CDH18: variants seen among roughly 807,000 people sequenced by gnomAD.
The protein encoded by CDH18 is cadherin-18.
A neutral mutation model predicts 67.9 loss-of-function variants in CDH18; 31 were observed. That is an observed-to-expected ratio of 0.46 (90% CI 0.34 to 0.62). CDH18 has a LOEUF of 0.62. Among genes scored for constraint, CDH18 ranks in the 20% least tolerant of loss-of-function variants. The probability of loss-of-function intolerance (pLI) is 0.01; values close to 1 mark genes in which losing one functional copy is unlikely to be tolerated. For missense variants in CDH18, 890 were observed against 975.5 expected (o/e 0.91, Z 1.17); for synonymous variants, 362 against 347.2 (o/e 1.04, Z -0.48).
At chr5:20,521,717 T>G (rs1755754283) in intron 1 of CDH18, among the ~76,000 whole-genome samples, 1 of 152,052 alleles carries the variant, frequency 6.6e-6, no homozygotes, top group Admixed American at 6.6e-5. Context: ...GAAGAAAAAC[T>G]GACTCAGAAG....
At chr5:20,569,711 C>G (rs1339234358) in intron 1 of CDH18, among the ~76,000 whole-genome samples, 1 of 152,134 alleles carries the variant, frequency 6.6e-6, no homozygotes, top group Non-Finnish European at 1.5e-5. Context: ...TACATATACA[C>G]AAAAGACTGA....
chr5:20,403,654 C>T (rs28778952), intron 1 of CDH18, among the ~76,000 whole-genome samples: 7,224 of 152,158 alleles, frequency 0.047, 461 homozygotes, highest in African/African-American at 0.15. Context: ...TTAAACCATG[C>T]TGTAAAAAAT....
chr5:20,240,372 GT>G (rs1356244662), intron 2 of CDH18, among the ~76,000 whole-genome samples: 4 of 151,992 alleles, frequency 2.6e-5, no homozygotes, highest in East Asian at 3.9e-4. Flanking sequence ...ATATATGATA[GT>G]TTTTTATAGG....
intron 4 of CDH18, among the ~76,000 whole-genome samples, chr5:19,726,970 C>A (rs1055572691): frequency 6.6e-6 from 1 of 152,140 alleles, no homozygotes; most frequent in Non-Finnish European, 1.5e-5. Flanking sequence ...AGATGGCCTT[C>A]TGTGAACCAG....
chr5:19,495,035 T>C (rs1233782093), intron 11 of CDH18, among the ~76,000 whole-genome samples: 4 of 152,148 alleles, frequency 2.6e-5, no homozygotes, highest in Admixed American at 2.6e-4. Flanking sequence ...CATAATTCTT[T>C]GGGAAGAATT....
intron 1 of CDH18, among the ~76,000 whole-genome samples, chr5:20,268,137 T>A (rs570264789): frequency 6.6e-6 from 1 of 152,356 alleles, no homozygotes; most frequent in Non-Finnish European, 1.5e-5. Flanking sequence ...TTTCACTTTT[T>A]TATGCCTGCA....
chr5:19,520,535 A>G, intron 10 of CDH18, 122 bp downstream of exon 10: 3 of 803,478 alleles, frequency 3.7e-6, no homozygotes, highest in Non-Finnish European at 5.3e-6. Flanking sequence ...GCTTTATGAA[A>G]TTATTTCCAC....
chr5:20,162,501 C>CAT (rs35649445), intron 2 of CDH18, among the ~76,000 whole-genome samples: 6,917 of 143,578 alleles, frequency 0.048, 444 homozygotes, highest in African/African-American at 0.15. Context: ...ATATAATAGA[C>CAT]ATATATATAT....
chr5:19,495,295 C>T (rs565018944), intron 11 of CDH18, among the ~76,000 whole-genome samples: 1 of 152,312 alleles, frequency 6.6e-6, no homozygotes, highest in South Asian at 2.1e-4. Flanking sequence ...GAACGGCATC[C>T]TTTCTCTGAA....
intron 3 of CDH18, among the ~76,000 whole-genome samples, chr5:19,781,034 G>A (rs962645873): frequency 1.3e-5 from 2 of 152,042 alleles, no homozygotes; most frequent in East Asian, 3.9e-4. Flanking sequence ...AAATAAATGT[G>A]TTATTCCAAT....
intron 2 of CDH18, among the ~76,000 whole-genome samples, chr5:20,101,613 C>T (rs924895501): frequency 1.3e-5 from 2 of 152,116 alleles, no homozygotes; most frequent in African/African-American, 2.4e-5. Context: ...TAATGACAAT[C>T]GTAAGTGTGG....
At chr5:19,946,335 T>C (rs1450386126) in intron 2 of CDH18, among the ~76,000 whole-genome samples, 1 of 152,102 alleles carries the variant, frequency 6.6e-6, no homozygotes, top group African/African-American at 2.4e-5. Context: ...TCAGTAGATC[T>C]ACCATTAAAT....
intron 2 of CDH18, among the ~76,000 whole-genome samples, chr5:19,969,403 A>G (rs1797803317): frequency 6.6e-6 from 1 of 150,652 alleles, no homozygotes; most frequent in African/African-American, 2.5e-5. Flanking sequence ...ATGTATGTTT[A>G]TTGCGGCACT....
At chr5:20,425,096 G>A (rs542045568) in intron 1 of CDH18, among the ~76,000 whole-genome samples, 1 of 151,094 alleles carries the variant, frequency 6.6e-6, no homozygotes, top group Admixed American at 6.6e-5. Context: ...GGCTGGGCAC[G>A]GTGACTCACG....
At chr5:19,784,446 A>T (rs1282889909) in intron 3 of CDH18, among the ~76,000 whole-genome samples, 1 of 152,194 alleles carries the variant, frequency 6.6e-6, no homozygotes. Context: ...TCTTTGCTGT[A>T]ACAAGACTAT....
chr5:20,257,385 A>G (rs1040314178), intron 1 of CDH18, among the ~76,000 whole-genome samples: 4 of 152,072 alleles, frequency 2.6e-5, no homozygotes, highest in Non-Finnish European at 5.9e-5. Flanking sequence ...GTGGGGACCT[A>G]TTTATACATA....
At chr5:19,507,389 G>C (rs1168800624) in intron 10 of CDH18, among the ~76,000 whole-genome samples, 1 of 152,156 alleles carries the variant, frequency 6.6e-6, no homozygotes, top group African/African-American at 2.4e-5. Context: ...ATTTGACCCA[G>C]CCATCCCATT....
In CDH18 at chr5:19,698,057, A is replaced by G. The variant is rs149859461; in HGVS notation, c.643+23290T>C. On this transcript the variant is annotated intron_variant, in intron 5 of 12. Transcript: ENST00000382275. ...AGCTTCTCAACCTCAGATAAATTCT[A>G]TCTATAACTGTTTATATGCACCTAT... 1.4e-3 allele frequency among the ~76,000 whole-genome samples: 211 copies of G among 152,332 alleles called. 1 individual carries two copies. The highest frequency in any genetic ancestry group is 2.6e-3 in the Non-Finnish European group (174 of 68,022).
intron 2 of CDH18, among the ~76,000 whole-genome samples, chr5:20,250,431 T>G (rs938565386): frequency 6.6e-6 from 1 of 151,820 alleles, no homozygotes; most frequent in Non-Finnish European, 1.5e-5. Flanking sequence ...TAGCTGGGAC[T>G]GCAGGCGCCC....
Sources: allele counts gnomAD v4.1 joint callset (sites outside exome capture counted in the v4.1 genomes callset), GRCh38; gene constraint gnomAD v4.1.1; transcripts MANE v1.5; gene names NCBI Gene and HGNC (gene_info 2026-07-23, HGNC 2026-07-21).